Variants in SPATA13 observed in about 807,000 individuals in gnomAD.
SPATA13 encodes the protein spermatogenesis-associated protein 13.
Under a neutral mutation model 104.0 loss-of-function variants are expected in SPATA13, and 50 were observed. That is an observed-to-expected ratio of 0.48 (90% CI 0.38 to 0.61). SPATA13 has a LOEUF of 0.61. SPATA13 is among the 20% of genes least tolerant of loss of function. The pLI, the probability that SPATA13 is intolerant of heterozygous loss-of-function variation, is 0.00. For missense variants in SPATA13, 1,524 were observed against 1,690.6 expected (o/e 0.90, Z 1.73); for synonymous variants, 606 against 667.5 (o/e 0.91, Z 1.42).
chr13:24,145,634 A>G (rs1006219982), intron 3 of SPATA13, among the ~76,000 whole-genome samples: 1 of 152,236 alleles, frequency 6.6e-6, no homozygotes, highest in Non-Finnish European at 1.5e-5. Context: ...CTCTTCCTGC[A>G]ATTCTCAACT....
chr13:24,122,715 A>G (rs4770595), intron 3 of SPATA13: 108,867 of 913,066 alleles, frequency 0.12, 10,783 homozygotes, highest in East Asian at 0.39. Flanking sequence ...ACGAAGGAGG[A>G]GCATCATATC....
intron 3 of SPATA13, among the ~76,000 whole-genome samples, chr13:24,152,333 C>T (rs1218011302): frequency 6.6e-6 from 1 of 152,216 alleles, no homozygotes; most frequent in Non-Finnish European, 1.5e-5. Context: ...CTGACTCTAG[C>T]ACAAGGCACA....
exon 2 of SPATA13, chr13:23,983,834 A>G (rs1247634879): frequency 2.1e-6 from 2 of 975,066 alleles, no homozygotes; most frequent in East Asian, 2.3e-4. Flanking sequence ...GATGGGAGTC[A>G]TATTCGCTGC....
At chr13:24,044,886 A>AGGGGGT (rs1487502871) in intron 3 of SPATA13, among the ~76,000 whole-genome samples, 1 of 3,890 alleles carries the variant, frequency 2.6e-4, no homozygotes, top group Non-Finnish European at 4.2e-4. Context: ...TTTCCAGAGG[A>AGGGGGT]GGGGGTGGGG....
At chr13:24,146,674 G>T (rs1881943730) in intron 3 of SPATA13, among the ~76,000 whole-genome samples, 1 of 152,126 alleles carries the variant, frequency 6.6e-6, no homozygotes, top group Non-Finnish European at 1.5e-5. Context: ...TCTCTTACTT[G>T]TCACAGGTTA....
intron 2 of SPATA13, among the ~76,000 whole-genome samples, chr13:23,995,732 T>C (rs1349802985): frequency 1.3e-5 from 2 of 152,222 alleles, no homozygotes; most frequent in Non-Finnish European, 2.9e-5. Flanking sequence ...TGTTAATTAA[T>C]GTATTGATTT....
At chr13:23,981,315 G>GT (rs1053725606) in intron 1 of SPATA13, among the ~76,000 whole-genome samples, 2 of 152,090 alleles carry the variant, frequency 1.3e-5, no homozygotes. Context: ...TTTTAGAGCA[G>GT]TTTTTTTGTA....
Position 24,290,699 on chromosome 13 carries a change from C to A in SPATA13, c.2895C>A (p.Gly965=), listed in dbSNP as rs1284714654. The A allele has an allele frequency of 6.2e-7, 1 of 1,614,176 alleles. No homozygotes were observed. The highest frequency in any genetic ancestry group is 1.1e-5 in the South Asian group (1 of 91,078). The change falls in exon 9 of 13, where the codon GGC becomes GGA. Residue 965 remains glycine, a synonymous_variant. Transcript: ENST00000382108. ...IYSEYCNNHP[G]ACLELANLMK... ...CCGAGTACTGCAACAACCACCCGGGCGCCTGCCTGGAGCTCGCCAACCTCA... is the reference window on the plus strand; with the variant it reads ...CCGAGTACTGCAACAACCACCCGGGAGCCTGCCTGGAGCTCGCCAACCTCA...
intron 1 of SPATA13, among the ~76,000 whole-genome samples, chr13:24,200,932 C>T (rs932964600): frequency 6.6e-6 from 1 of 151,988 alleles, no homozygotes; most frequent in Non-Finnish European, 1.5e-5. Context: ...CAGAATGTGT[C>T]TGATTACGTC....
intron 3 of SPATA13, among the ~76,000 whole-genome samples, chr13:24,098,084 C>T (rs555925895): frequency 6.6e-6 from 1 of 151,614 alleles, no homozygotes; most frequent in African/African-American, 2.4e-5. Flanking sequence ...AGACCAGGCC[C>T]CAGAGAAAAA....
intron 3 of SPATA13, chr13:24,123,146 T>C: frequency 5.4e-6 from 6 of 1,110,044 alleles, no homozygotes; most frequent in Non-Finnish European, 8.3e-6. Context: ...TTTCTGTTTC[T>C]CTGATAATAT....
At chr13:24,209,030 C>T (rs1870866136) in intron 1 of SPATA13, among the ~76,000 whole-genome samples, 1 of 152,124 alleles carries the variant, frequency 6.6e-6, no homozygotes, top group Non-Finnish European at 1.5e-5. Context: ...GGGAGCATGT[C>T]AGGGTCAGCT....
intron 3 of SPATA13, among the ~76,000 whole-genome samples, chr13:24,083,523 G>C (rs1210603110): frequency 6.6e-6 from 1 of 152,234 alleles, no homozygotes; most frequent in Non-Finnish European, 1.5e-5. Flanking sequence ...CTAGCTCTCT[G>C]TGGAGTTGAA....
At chr13:24,018,546 A>G (rs1191740715) in intron 3 of SPATA13, among the ~76,000 whole-genome samples, 2 of 152,342 alleles carry the variant, frequency 1.3e-5, no homozygotes, top group East Asian at 1.9e-4. Flanking sequence ...TTAATTTGAG[A>G]TTATGTTTAG....
In SPATA13 at chr13:24,270,808, C is replaced by T. The variant is rs758995696; in HGVS notation, c.2165-13327C>T. ...CTGTGATGCTTGGGGACCGGCTCCT[C>T]GGTCACACCCCAGTCCTGCTCTGAA... On this transcript the variant is annotated intron_variant, in intron 4 of 12. Coordinates refer to ENST00000382108, the MANE Select transcript of SPATA13 (RefSeq NM_001166271.3). The T allele has an allele frequency of 1.9e-5, 31 of 1,612,304 alleles. No homozygotes were observed. In the African/African-American group the frequency reaches 2.0e-4, roughly 10 times the overall value.
intron 1 of SPATA13, among the ~76,000 whole-genome samples, chr13:24,203,864 T>C (rs1307709414): frequency 6.6e-6 from 1 of 152,202 alleles, no homozygotes; most frequent in Non-Finnish European, 1.5e-5. Flanking sequence ...TTTCAACAAA[T>C]ATTTAATGAG....
At chr13:24,228,403 C>T (rs1018720804) in intron 2 of SPATA13, among the ~76,000 whole-genome samples, 2 of 152,144 alleles carry the variant, frequency 1.3e-5, no homozygotes, top group African/African-American at 4.8e-5. Flanking sequence ...GCGTGAGCCA[C>T]CGCGCCGAGC....
chr13:24,191,084 ATTG>A (rs1394306246), intron 1 of SPATA13, among the ~76,000 whole-genome samples: 1 of 152,150 alleles, frequency 6.6e-6, no homozygotes, highest in Non-Finnish European at 1.5e-5. Flanking sequence ...TGCTTGGATG[ATTG>A]TTAACATTTT....
chr13:24,302,663 A>G lies in SPATA13; in HGVS notation c.3724A>G (p.Thr1242Ala). ...GLHPIHQRHI[T>A]MPTSVPQQQV... is the part of the protein sequence containing the mutation. The stretch of plus-strand genomic sequence containing the variant: ...GCACCCCATCCACCAGCGCCACATC[A>G]CTATGCCCACAAGCGTCCCCCAGCA... The change falls in exon 13 of 13, where the codon ACT becomes GCT. Residue 1242 changes from threonine (T) to alanine (A), a missense_variant. Transcript: ENST00000382108. 2 of 1,613,784 alleles carry G rather than the reference A, an allele frequency of 1.2e-6. No homozygotes were observed. The highest frequency in any genetic ancestry group is 1.7e-6 in the Non-Finnish European group (2 of 1,179,968).
Sources: allele counts gnomAD v4.1 joint callset (sites outside exome capture counted in the v4.1 genomes callset), GRCh38; gene constraint gnomAD v4.1.1; transcripts MANE v1.5; gene names NCBI Gene and HGNC (gene_info 2026-07-23, HGNC 2026-07-21).